Variants in ODAD2 observed in about 807,000 individuals in gnomAD.
ODAD2 encodes outer dynein arm-docking complex subunit 2.
ODAD2 carries 89 observed loss-of-function variants against 106.8 expected under a neutral mutation model. The ratio of observed to expected loss-of-function variants is 0.83; its 90% CI spans 0.70 to 0.99. The LOEUF is 0.99. ODAD2 is among the 50% of genes least tolerant of loss of function. ODAD2 has a pLI of 0.00. For missense variants in ODAD2, 1,168 were observed against 1,238.5 expected (o/e 0.94, Z 0.85); for synonymous variants, 404 against 436.2 (o/e 0.93, Z 0.92).
chr10:27,820,902 C>A (rs964137725), intron 19 of ODAD2, among the ~76,000 whole-genome samples: 5 of 151,614 alleles, frequency 3.3e-5, no homozygotes, highest in Admixed American at 2.0e-4. Flanking sequence ...CCTGCCTCAG[C>A]CTCTGAGTAG....
At chr10:27,835,192 A>G (rs1419208947) in intron 19 of ODAD2, among the ~76,000 whole-genome samples, 4 of 152,156 alleles carry the variant, frequency 2.6e-5, no homozygotes, top group Non-Finnish European at 5.9e-5. Flanking sequence ...ACCCATCTAC[A>G]TGGCTTCTTG....
intron 17 of ODAD2, among the ~76,000 whole-genome samples, chr10:27,892,922 G>A (rs1387043094): frequency 6.6e-6 from 1 of 152,188 alleles, no homozygotes; most frequent in Non-Finnish European, 1.5e-5. Flanking sequence ...GCCGAGGCGA[G>A]CAGATCACTT....
intron 17 of ODAD2, among the ~76,000 whole-genome samples, chr10:27,867,765 C>A (rs1165395823): frequency 6.6e-6 from 1 of 152,058 alleles, no homozygotes; most frequent in Non-Finnish European, 1.5e-5. Context: ...GCCTGGCCAA[C>A]AAAGTGAAAT....
At position 27,812,423 on chromosome 10, in the gene ODAD2, A is replaced by G. The variant is rs1835810360; in HGVS notation, c.*89T>C. ...TAGATGGTTGAAAGGGTTTGCTAAC[A>G]ACTGTTTCCCAATTTAGGCTTTCTG... On this transcript the variant is annotated 3_prime_UTR_variant, in exon 20 of 20. Coordinates refer to ENST00000305242, the MANE Select transcript of ODAD2 (RefSeq NM_018076.5). 3 of 1,256,846 alleles carry G rather than the reference A, an allele frequency of 2.4e-6. No individual in the cohort carries two copies. In the Admixed American group the frequency reaches 6.9e-5, roughly 29 times the overall value. The allele number at this position is 1,256,846 out of a possible 1,614,324, so 77.9% of individuals were successfully genotyped here. A position where few individuals can be genotyped will look rare whatever the true frequency, so the allele number is the denominator to read the frequency against.
At chr10:27,900,292 CAA>C (rs902173897) in intron 17 of ODAD2, among the ~76,000 whole-genome samples, 2 of 152,010 alleles carry the variant, frequency 1.3e-5, no homozygotes, top group African/African-American at 4.8e-5. Flanking sequence ...AGGACGTCCA[CAA>C]AAAATCCCCA....
chr10:27,940,257 G>GTA (rs10658728), intron 13 of ODAD2, among the ~76,000 whole-genome samples: 6 of 105,282 alleles, frequency 5.7e-5, no homozygotes, highest in South Asian at 3.7e-4. Context: ...ATAAATGTCA[G>GTA]TATATGTGAT....
At chr10:27,868,943 A>G (rs1840656733) in intron 17 of ODAD2, among the ~76,000 whole-genome samples, 1 of 152,066 alleles carries the variant, frequency 6.6e-6, no homozygotes, top group East Asian at 1.9e-4. Flanking sequence ...CACATTAGAA[A>G]GACATGCCTA....
In ODAD2 at chr10:27,971,211, C is replaced by T. The variant is rs1229713950; in HGVS notation, c.1039G>A (p.Asp347Asn). ...TGGTTCTTCTCCAGTGACCTTTTGT[C>T]TGAACCAGAAATGTCTTTGCGGAGG... is the stretch of plus-strand genomic sequence containing the variant. Reference protein sequence around the residue: ...AALRKDISGSDKRSLEKNQIN... With the variant: ...AALRKDISGSNKRSLEKNQIN... The change falls in exon 8 of 20, where the codon GAC (aspartate) becomes AAC (asparagine). Residue 347 changes from aspartate (D) to asparagine (N), a missense_variant. Physicochemically the swap from Asp to Asn is conservative, Grantham distance 23 (BLOSUM62 1). Transcript: ENST00000305242. 6 of 1,613,970 alleles carry T rather than the reference C, an allele frequency of 3.7e-6. No individual in the cohort carries two copies. Among genetic ancestry groups the T allele is most frequent in the Non-Finnish European group, 5.1e-6 (6 of 1,179,942 alleles).
intron 2 of ODAD2, among the ~76,000 whole-genome samples, chr10:27,989,016 G>A (rs1850058249): frequency 6.6e-6 from 1 of 152,172 alleles, no homozygotes; most frequent in Non-Finnish European, 1.5e-5. Flanking sequence ...GTGGAGCCAT[G>A]AGCCATGAGT....
chr10:27,931,985 C>T (rs1167449603), intron 16 of ODAD2, among the ~76,000 whole-genome samples: 1 of 151,860 alleles, frequency 6.6e-6, no homozygotes, highest in Admixed American at 6.6e-5. Context: ...TAGACTAGCC[C>T]ACCTTAAATA....
At chr10:27,833,744 C>T (rs1365812200) in intron 19 of ODAD2, among the ~76,000 whole-genome samples, 1 of 152,140 alleles carries the variant, frequency 6.6e-6, no homozygotes, top group Non-Finnish European at 1.5e-5. Context: ...ACAAGAAAGG[C>T]TTGACTTCCA....
chr10:27,974,824 T>G (rs1849090928), intron 7 of ODAD2, among the ~76,000 whole-genome samples: 1 of 152,110 alleles, frequency 6.6e-6, no homozygotes, highest in Non-Finnish European at 1.5e-5. Flanking sequence ...TATAAATTGC[T>G]TTGGGCAGTA....
rs529335573 is a variant in ODAD2, at chr10:27,898,934, T to C, written c.2610+8729A>G. On this transcript the variant is annotated intron_variant, in intron 17 of 19. Transcript: ENST00000305242. ...ACATTACAATTCGCTTTTTAAAAAATATTATATTTAGGATGACATTTAGAG... is the reference window on the plus strand; with the variant it reads ...ACATTACAATTCGCTTTTTAAAAAACATTATATTTAGGATGACATTTAGAG... Among the ~76,000 whole-genome samples the C allele has an allele frequency of 2.6e-5, 4 of 152,232 alleles. No homozygotes were observed. In the South Asian group the frequency reaches 8.3e-4, roughly 32 times the overall value.
At chr10:27,813,904 C>A (rs1287790127) in intron 19 of ODAD2, among the ~76,000 whole-genome samples, 1 of 152,152 alleles carries the variant, frequency 6.6e-6, no homozygotes, top group East Asian at 1.9e-4. Context: ...GGAACAAATT[C>A]AAGCGATATT....
At chr10:27,982,907 G>A (rs35987811) in intron 6 of ODAD2, among the ~76,000 whole-genome samples, 30,377 of 152,136 alleles carry the variant, frequency 0.2, 3,507 homozygotes, top group Middle Eastern at 0.29. Context: ...CAGCCACCCA[G>A]CCTCTACTTT....
chr10:27,844,263 T>C (rs1838541144), intron 19 of ODAD2, among the ~76,000 whole-genome samples: 1 of 152,184 alleles, frequency 6.6e-6, no homozygotes, highest in Non-Finnish European at 1.5e-5. Flanking sequence ...CAAAGGAGGT[T>C]GGAAAATTGC....
At chr10:27,864,065 G>T (rs560640176) in intron 17 of ODAD2, among the ~76,000 whole-genome samples, 3 of 152,120 alleles carry the variant, frequency 2.0e-5, no homozygotes, top group African/African-American at 7.2e-5. Flanking sequence ...AGGGTGCAGG[G>T]TTGGAGTGGG....
intron 19 of ODAD2, among the ~76,000 whole-genome samples, chr10:27,842,763 G>A (rs1838405637): frequency 6.6e-6 from 1 of 152,028 alleles, no homozygotes; most frequent in Non-Finnish European, 1.5e-5. Flanking sequence ...ATTTATCCAG[G>A]TTTTATATCT....
chr10:27,891,740 C>T (rs945460725), intron 17 of ODAD2, among the ~76,000 whole-genome samples: 22 of 151,656 alleles, frequency 1.5e-4, no homozygotes, highest in African/African-American at 3.9e-4. Context: ...CACTATCTTG[C>T]GATATTCACA....
Sources: allele counts gnomAD v4.1 joint callset (sites outside exome capture counted in the v4.1 genomes callset), GRCh38; gene constraint gnomAD v4.1.1; transcripts MANE v1.5; gene names NCBI Gene and HGNC (gene_info 2026-07-23, HGNC 2026-07-21).